FAT3: variants seen among roughly 807,000 people sequenced by gnomAD.
The protein encoded by FAT3 is FAT atypical cadherin 3.
FAT3 carries 95 observed loss-of-function variants against 310.2 expected under a neutral mutation model. The observed-to-expected ratio is 0.31, with a 90% confidence interval of 0.26 to 0.36. The LOEUF (loss-of-function observed/expected upper bound fraction) is 0.36, where lower values mean the gene tolerates loss of function less well. Ranked by LOEUF, FAT3 falls within the 10% of genes least tolerant of loss-of-function variation. The pLI is 1.00. For missense variants in FAT3, 5,408 were observed against 5,715.6 expected, an observed-to-expected ratio of 0.95 and a Z score of 1.74; for synonymous variants, 2,314 against 2,192.9, an observed-to-expected ratio of 1.06 and a Z score of -1.54.
rs187220315 is a variant in FAT3, at chr11:92,841,186, T to C, written c.10566+427T>C. Among the ~76,000 whole-genome samples the C allele has an allele frequency of 2.2e-3, 328 of 152,236 alleles. 3 individuals carry two copies. The highest frequency in any genetic ancestry group is 1.8e-3 in the Non-Finnish European group (123 of 68,020). ...AGGGGACCAAGGACTCAGCTGGCAG[T>C]GGCCCCCAGCATGTCAGTTCCTCAT... On this transcript the variant is annotated intron_variant, in intron 18 of 27. Coordinates refer to ENST00000525166, the MANE Select transcript of FAT3 (RefSeq NM_001367949.2).
At chr11:92,711,765 C>T (rs1944529961) in intron 4 of FAT3, among the ~76,000 whole-genome samples, 1 of 152,184 alleles carries the variant, frequency 6.6e-6, no homozygotes, top group Non-Finnish European at 1.5e-5. Flanking sequence ...AGAACCTAAA[C>T]ATGTAACCTA....
intron 1 of FAT3, among the ~76,000 whole-genome samples, chr11:92,324,124 G>A (rs6483175): frequency 0.027 from 4,038 of 152,254 alleles, 193 homozygotes; most frequent in African/African-American, 0.092. Flanking sequence ...GGCTGGTTTG[G>A]TCTGCTGTTC....
intron 3 of FAT3, among the ~76,000 whole-genome samples, chr11:92,605,513 C>T (rs183113989): frequency 1.3e-5 from 2 of 152,136 alleles, no homozygotes; most frequent in Admixed American, 1.3e-4. Context: ...TATAAGCATA[C>T]ACATTAGTAT....
At chr11:92,337,761 C>G in intron 1 of FAT3, among the ~76,000 whole-genome samples, 1 of 152,204 alleles carries the variant, frequency 6.6e-6, no homozygotes, top group Non-Finnish European at 1.5e-5. Context: ...ATAGTATAGT[C>G]TATTGGATTA....
intron 2 of FAT3, among the ~76,000 whole-genome samples, chr11:92,473,876 A>G (rs1951975575): frequency 1.3e-5 from 2 of 152,186 alleles, no homozygotes; most frequent in African/African-American, 4.8e-5. Context: ...CATGGGCCTT[A>G]TGTGTGGAAA....
intron 3 of FAT3, among the ~76,000 whole-genome samples, chr11:92,550,004 C>A (rs1383454497): frequency 1.3e-5 from 2 of 152,072 alleles, no homozygotes; most frequent in Non-Finnish European, 2.9e-5. Flanking sequence ...AATCACACAG[C>A]CTGTAAATGG....
intron 2 of FAT3, among the ~76,000 whole-genome samples, chr11:92,476,243 T>A (rs1217723641): frequency 1.3e-5 from 2 of 152,212 alleles, no homozygotes; most frequent in African/African-American, 2.4e-5. Flanking sequence ...GATCACCATC[T>A]TTTTGTTGAA....
chr11:92,318,463 C>T (rs529434728), intron 1 of FAT3, among the ~76,000 whole-genome samples: 64 of 152,158 alleles, frequency 4.2e-4, no homozygotes, highest in Admixed American at 7.9e-4. Context: ...GTTCTAATTC[C>T]GTGAGATTTG....
In FAT3 at chr11:92,880,958, A is replaced by G. The variant is rs1251598371; in HGVS notation, c.12281+74A>G. 7 of 1,504,510 alleles carry G rather than the reference A, an allele frequency of 4.7e-6. No individual in the cohort carries two copies. In the East Asian group the frequency reaches 6.8e-5, roughly 15 times the overall value. 93.2% of individuals were successfully genotyped at this position (1,504,510 alleles called of 1,614,324 possible). ...ACAACAAACCAGTAAACAACTAATGAGGGTAAAATATTTACCACTAATAGT... is the reference window on the plus strand; with the variant it reads ...ACAACAAACCAGTAAACAACTAATGGGGGTAAAATATTTACCACTAATAGT... On this transcript the variant is annotated intron_variant, in intron 23 of 27. Transcript: ENST00000525166.
chr11:92,643,825 T>C (rs2135735641), intron 3 of FAT3, among the ~76,000 whole-genome samples: 1 of 152,364 alleles, frequency 6.6e-6, no homozygotes, highest in African/African-American at 2.4e-5. Context: ...GGTAGGGGAC[T>C]TTTATGATTG....
intron 2 of FAT3, among the ~76,000 whole-genome samples, chr11:92,454,848 T>TC (rs1951456307): frequency 6.6e-6 from 1 of 152,138 alleles, no homozygotes; most frequent in African/African-American, 2.4e-5. Context: ...ACTTTTTTTT[T>TC]CCACGTGCCA....
intron 2 of FAT3, among the ~76,000 whole-genome samples, chr11:92,438,091 T>C (rs1950984086): frequency 6.6e-6 from 1 of 152,170 alleles, no homozygotes; most frequent in Non-Finnish European, 1.5e-5. Context: ...TAGAAAACTT[T>C]GCAGATATAA....
chr11:92,447,634 C>G (rs1951252045), intron 2 of FAT3, among the ~76,000 whole-genome samples: 1 of 151,988 alleles, frequency 6.6e-6, no homozygotes, highest in African/African-American at 2.4e-5. Context: ...ATGAAATTTC[C>G]CTGGTCTTAC....
At chr11:92,555,733 T>G (rs1269599102) in intron 3 of FAT3, among the ~76,000 whole-genome samples, 4 of 152,220 alleles carry the variant, frequency 2.6e-5, no homozygotes, top group Non-Finnish European at 4.4e-5. Flanking sequence ...GCTCAGTCAT[T>G]GGCAGAATCA....
At chr11:92,788,675 G>A (rs552527641) in intron 7 of FAT3, among the ~76,000 whole-genome samples, 7 of 152,096 alleles carry the variant, frequency 4.6e-5, no homozygotes, top group Admixed American at 1.3e-4. Flanking sequence ...AAGGATTTTT[G>A]TCAAAGAAAA....
intron 3 of FAT3, among the ~76,000 whole-genome samples, chr11:92,685,598 TTTAA>T (rs1046419515): frequency 4.7e-5 from 7 of 149,614 alleles, no homozygotes; most frequent in Non-Finnish European, 8.9e-5. Context: ...ATATTATATA[TTTAA>T]TTATTTATTA....
chr11:92,569,393 A>G (rs1955591137), intron 3 of FAT3, among the ~76,000 whole-genome samples: 1 of 152,218 alleles, frequency 6.6e-6, no homozygotes. Context: ...ACACATAAGT[A>G]TGCCTAGCCT....
Position 92,883,498 on chromosome 11 carries a change from A to C in FAT3, c.12937+105A>C, listed in dbSNP as rs1490601757. The C allele has an allele frequency of 1.4e-6, 2 of 1,387,722 alleles. No individual in the cohort carries two copies. Among genetic ancestry groups the C allele is most frequent in the African/African-American group, 2.9e-5 (2 of 68,856 alleles). The allele number at this position is 1,387,722 out of a possible 1,614,324, so 86.0% of individuals were successfully genotyped here. A position where few individuals can be genotyped will look rare whatever the true frequency, so the allele number is the denominator to read the frequency against. On this transcript the variant is annotated intron_variant, in intron 24 of 27. Coordinates refer to ENST00000525166, the MANE Select transcript of FAT3 (RefSeq NM_001367949.2). The surrounding 1 kb of genome is among the most constrained non-coding windows in gnomAD (Gnocchi z 4.2). The stretch of plus-strand genomic sequence containing the variant: ...GGGAGAGAGACCCCGCATGCAGAGC[A>C]TTCGCTATGACATGTGCTGATGTCG...
At chr11:92,754,345 G>T (rs893869815) in intron 4 of FAT3, among the ~76,000 whole-genome samples, 4 of 151,904 alleles carry the variant, frequency 2.6e-5, no homozygotes, top group East Asian at 2.0e-4. Flanking sequence ...AAGGAAATCG[G>T]CCGGGCGCGA....
Sources: gnomAD v4.1 joint callset for allele counts (sites outside exome capture counted in the v4.1 genomes callset) on GRCh38, gnomAD v4.1.1 for gene constraint, Gnocchi (gnomAD v3.1) non-coding constraint, MANE v1.5 for transcripts, NCBI Gene and HGNC (gene_info 2026-07-23, HGNC 2026-07-21) for gene names.